The following HPSE variants were observed in gnomAD, a reference collection of about 807,000 sequenced individuals.
HPSE encodes the protein heparanase.
In HPSE, 48 loss-of-function variants were observed where a neutral mutation model predicts 65.1. That is an observed-to-expected ratio of 0.74 (90% confidence interval 0.58 to 0.94). The LOEUF is 0.94. Among genes scored for constraint, HPSE ranks in the 40% least tolerant of loss-of-function variants. HPSE has a pLI of 0.00. For synonymous variants in HPSE, 243 were observed against 260.0 expected, an observed-to-expected ratio of 0.93 and a Z score of 0.63; for missense variants, 644 against 637.5, an observed-to-expected ratio of 1.01 and a Z score of -0.11.
At chr4:83,318,362 C>A (rs377375692) in intron 3 of HPSE, among the ~76,000 whole-genome samples, 3 of 152,014 alleles carry the variant, frequency 2.0e-5, no homozygotes, top group Non-Finnish European at 4.4e-5. Context: ...TGGTGGCTCA[C>A]GCCTGTAATC....
At chr4:83,335,110 TGGGGAGGAGCGCCCGGGGAGGAGCGCCC>T (rs569037013), upstream of HPSE, 1 of 259,254 alleles carries the variant, frequency 3.9e-6, no homozygotes, top group Non-Finnish European at 7.2e-6. Flanking sequence ...CCGGGAGGCC[TGGGGAGGAGCGCCCGGGGAGGAGCGCCC>T]GGGGAGCAGC....
intron 11 of HPSE, among the ~76,000 whole-genome samples, chr4:83,296,616 A>T (rs1735731289): frequency 2.0e-5 from 3 of 151,774 alleles, no homozygotes; most frequent in Non-Finnish European, 4.4e-5. Context: ...CGGAGGTTGC[A>T]GTGAGCCGAG....
Position 83,313,431 on chromosome 4 carries a change from GACA to G in HPSE, c.500-147_500-145del, listed in dbSNP as rs1233860097. The stretch of plus-strand genomic sequence containing the variant: ...TAAATGATTATAATTATGTTTTTGA[GACA>G]ACAAAATTGGACAAATTAAAAAAAA... On this transcript the variant is annotated intron_variant, in intron 3 of 11. Transcript: ENST00000311412. The G allele has an allele frequency of 5.3e-6, 3 of 567,380 alleles. No individual in the cohort carries two copies. In the African/African-American group the frequency reaches 5.8e-5, roughly 11 times the overall value. The allele number at this position is 567,380 out of a possible 1,614,324, so 35.1% of individuals were successfully genotyped here.
At chr4:83,308,776 A>C (rs1450678132) in intron 8 of HPSE, 69 bp downstream of exon 8, 1 of 1,198,814 alleles carries the variant, frequency 8.3e-7, no homozygotes, top group Admixed American at 1.9e-5. Flanking sequence ...CTGGGGAGCT[A>C]TTTCAGCAGA....
At position 83,319,393 on chromosome 4, in the gene HPSE, C is replaced by T; in HGVS notation, c.450G>A (p.Leu150=). ...TTTTCTGGTAGTGTTCTCGGAGTAG[C>T]AATTGCTCCTGGTAGGGCCATTCCA... ...LRLEWPYQEQ[L]LLREHYQKKF... Residue 150 remains leucine, a synonymous_variant, in exon 3 of 12, where the codon TTG becomes TTA. Transcript: ENST00000311412. 1 of 1,613,876 alleles carries T rather than the reference C, an allele frequency of 6.2e-7. No individual in the cohort carries two copies. The highest frequency in any genetic ancestry group is 8.5e-7 in the Non-Finnish European group (1 of 1,179,844).
chr4:83,304,413 C>T (rs567811609), intron 9 of HPSE, among the ~76,000 whole-genome samples: 37 of 152,284 alleles, frequency 2.4e-4, no homozygotes, highest in Admixed American at 4.6e-4. Flanking sequence ...TCGAAATAAT[C>T]CTTATGCCAA....
chr4:83,334,806 C>T lies in HPSE; in HGVS notation c.-24G>A, dbSNP rs1455398223. On this transcript the variant is annotated 5_prime_UTR_variant, in exon 1 of 12. Coordinates refer to ENST00000311412, the MANE Select transcript of HPSE (RefSeq NM_001098540.3). ...ATCTTGGGCTCACCTGGCTGCTCCC[C>T]CCGCCAGCTGCCGCGCAGCGGAGAG... 4 of 1,490,034 alleles carry T rather than the reference C, an allele frequency of 2.7e-6. No individual in the cohort carries two copies. The highest frequency in any genetic ancestry group is 2.4e-5 in the Admixed American group (1 of 42,314). 92.3% of individuals were successfully genotyped at this position (1,490,034 alleles called of 1,614,324 possible). A position where few individuals can be genotyped will look rare whatever the true frequency, so the allele number is the denominator to read the frequency against.
intron 3 of HPSE, among the ~76,000 whole-genome samples, chr4:83,318,499 T>A (rs189086295): frequency 0.063 from 9,528 of 152,084 alleles, 437 homozygotes; most frequent in Non-Finnish European, 0.1. Context: ...CCGGTCGTGA[T>A]GGTAGGCACC....
Position 83,318,179 on chromosome 4 carries a change from A to G in HPSE, c.499+1165T>C, listed in dbSNP as rs183693650. Among the ~76,000 whole-genome samples the G allele has an allele frequency of 1.6e-3, 245 of 152,322 alleles. 2 individuals carry two copies. Among genetic ancestry groups the G allele is most frequent in the East Asian group, 1.9e-3 (10 of 5,190 alleles). ...TAAATAATGTTAACTAACCCAAACA[A>G]AGTATAGTAACTTCAAGATCATTTA... is the stretch of plus-strand genomic sequence containing the variant. On this transcript the variant is annotated intron_variant, in intron 3 of 11. Coordinates refer to ENST00000311412, the MANE Select transcript of HPSE (RefSeq NM_001098540.3).
At chr4:83,333,635 G>C (rs1201345511) in intron 1 of HPSE, among the ~76,000 whole-genome samples, 3 of 152,120 alleles carry the variant, frequency 2.0e-5, no homozygotes, top group Non-Finnish European at 2.9e-5. Context: ...TGCATTCATG[G>C]GGCAGGAGCC....
chr4:83,330,776 C>T (rs1737330330), intron 1 of HPSE, among the ~76,000 whole-genome samples: 1 of 152,176 alleles, frequency 6.6e-6, no homozygotes, highest in Non-Finnish European at 1.5e-5. Flanking sequence ...GGATTTCTAC[C>T]ACCGACTCAG....
In HPSE at chr4:83,309,385, T is replaced by C. The variant is rs776881606; in HGVS notation, c.984+17A>G. ...AGGATTCTGGTTTTACATTAAAAAGTTTAAAAAGACTATTACCTGGAAAAC... is the reference window on the plus strand; with the variant it reads ...AGGATTCTGGTTTTACATTAAAAAGCTTAAAAAGACTATTACCTGGAAAAC... On this transcript the variant is annotated intron_variant, in intron 7 of 11. Coordinates refer to ENST00000311412, the MANE Select transcript of HPSE (RefSeq NM_001098540.3). The C allele has an allele frequency of 2.5e-5, 33 of 1,338,750 alleles. No homozygotes were observed. In the East Asian group the frequency reaches 7.0e-4, roughly 28 times the overall value. 82.9% of individuals were successfully genotyped at this position (1,338,750 alleles called of 1,614,324 possible).
chr4:83,331,733 G>A (rs1192176056), intron 1 of HPSE, among the ~76,000 whole-genome samples: 1 of 152,200 alleles, frequency 6.6e-6, no homozygotes, highest in Non-Finnish European at 1.5e-5. Context: ...CCTCTTTGAA[G>A]TACCTTAGAT....
At chr4:83,311,135 C>A (rs978067312) in intron 4 of HPSE, among the ~76,000 whole-genome samples, 28 of 149,278 alleles carry the variant, frequency 1.9e-4, no homozygotes, top group Non-Finnish European at 3.6e-4. Flanking sequence ...ATAGTAAAGC[C>A]CTGTTCCATG....
chr4:83,303,752 CT>C (rs1460751563), intron 9 of HPSE, among the ~76,000 whole-genome samples: 14 of 152,132 alleles, frequency 9.2e-5, no homozygotes. Context: ...TGGTCTTGAA[CT>C]CCTGGGCTCA....
chr4:83,302,403 C>A, intron 9 of HPSE, 135 bp from the exon 10 acceptor site: 9 of 576,616 alleles, frequency 1.6e-5, no homozygotes, highest in African/African-American at 1.9e-5. Flanking sequence ...AAATAGGATT[C>A]ATCTTTTTTT....
At chr4:83,328,763 CTTG>C (rs1293916891) in intron 1 of HPSE, among the ~76,000 whole-genome samples, 1 of 150,896 alleles carries the variant, frequency 6.6e-6, no homozygotes, top group Non-Finnish European at 1.5e-5. Flanking sequence ...TGGGGAAAGG[CTTG>C]GGGAAAGGCT....
At chr4:83,320,279 C>A (rs1736836712) in intron 2 of HPSE, among the ~76,000 whole-genome samples, 1 of 152,084 alleles carries the variant, frequency 6.6e-6, no homozygotes, top group Non-Finnish European at 1.5e-5. Context: ...AAAAAATCCA[C>A]CCTGGTCAGG....
chr4:83,316,398 A>G (rs1333249182), intron 3 of HPSE, among the ~76,000 whole-genome samples: 1 of 152,104 alleles, frequency 6.6e-6, no homozygotes, highest in African/African-American at 2.4e-5. Context: ...CAAAATACGA[A>G]GAACAATTTA....
Sources: gnomAD v4.1 joint callset for allele counts (sites outside exome capture counted in the v4.1 genomes callset) on GRCh38, gnomAD v4.1.1 for gene constraint, MANE v1.5 for transcripts, NCBI Gene and HGNC (gene_info 2026-07-23, HGNC 2026-07-21) for gene names.